The following ACTR10 variants were observed in gnomAD, a reference collection of about 807,000 sequenced individuals.
The protein encoded by ACTR10 is actin-related protein 10.
A neutral mutation model predicts 56.2 loss-of-function variants in ACTR10; 43 were observed. The observed-to-expected ratio is 0.77, with a 90% CI of 0.60 to 0.99. ACTR10 has a LOEUF of 0.99. Among genes scored for constraint, ACTR10 ranks in the 50% least tolerant of loss-of-function variants. The pLI, the probability that ACTR10 is intolerant of heterozygous loss-of-function variation, is 0.00. For missense variants in ACTR10, 466 were observed against 507.8 expected, an observed-to-expected ratio of 0.92 and a Z score of 0.79; for synonymous variants, 170 against 176.3, an observed-to-expected ratio of 0.96 and a Z score of 0.28.
chr14:58,230,352 A>G (rs1485521273), intron 10 of ACTR10, 47 bp from the exon 11 acceptor site: 2 of 1,094,814 alleles, frequency 1.8e-6, no homozygotes, highest in Non-Finnish European at 2.7e-6. Context: ...GTGTAATATT[A>G]TAATACGTGA....
intron 7 of ACTR10, 163 bp from the exon 8 acceptor site, chr14:58,219,530 TC>T: frequency 4.4e-6 from 2 of 458,304 alleles, no homozygotes; most frequent in Non-Finnish European, 7.7e-6. Flanking sequence ...TGATATTTCT[TC>T]CCTAAAACAA....
intron 1 of ACTR10, among the ~76,000 whole-genome samples, chr14:58,202,282 A>G (rs1364553032): frequency 6.6e-6 from 1 of 152,016 alleles, no homozygotes; most frequent in East Asian, 1.9e-4. Context: ...GCTAAAATTA[A>G]CAACTAGGAA....
At position 58,230,358 on chromosome 14, in the gene ACTR10, C is replaced by A. The variant is rs184025730; in HGVS notation, c.789-41C>A. 31 of 1,169,816 alleles carry A rather than the reference C, an allele frequency of 2.6e-5. No individual in the cohort carries two copies. In the South Asian group the frequency reaches 4.0e-4, roughly 15 times the overall value. 72.5% of individuals were successfully genotyped at this position (1,169,816 alleles called of 1,614,324 possible). ...GTGTATTCTGTGTAATATTATAATA[C>A]GTGACACCAACAGAAAGCTCTCTTT... On this transcript the variant is annotated intron_variant, in intron 10 of 12. Transcript: ENST00000254286.
In ACTR10 at chr14:58,223,807, G is replaced by A. The variant is rs970227121; in HGVS notation, c.739G>A (p.Asp247Asn). The stretch of plus-strand genomic sequence containing the variant: ...GCGTCCCTCCCCACCCCCAAATGTT[G>A]ACTATCCATTAGATGGAGAGAAGAT... ...NERPSPPPNVDYPLDGEKILH... is the reference protein window; with the variant it reads ...NERPSPPPNVNYPLDGEKILH... The change falls in exon 10 of 13, where the codon GAC (aspartate) becomes AAC (asparagine). Residue 247 changes from aspartate (D) to asparagine (N), a missense_variant. Physicochemically the swap from Asp to Asn is conservative, Grantham distance 23. Transcript: ENST00000254286. The A allele has an allele frequency of 1.9e-6, 3 of 1,612,962 alleles. No individual in the cohort carries two copies. The African/African-American group carries it at 4.0e-5, about 22-fold the overall frequency.
chr14:58,210,486 A>T (rs1426653256), intron 4 of ACTR10, among the ~76,000 whole-genome samples: 1 of 152,194 alleles, frequency 6.6e-6, no homozygotes, highest in Non-Finnish European at 1.5e-5. Context: ...ATGGAGCAAG[A>T]CTTTGTCTCT....
intron 10 of ACTR10, among the ~76,000 whole-genome samples, chr14:58,228,389 C>T (rs909340473): frequency 4.6e-5 from 7 of 152,060 alleles, no homozygotes; most frequent in African/African-American, 1.7e-4. Flanking sequence ...GAGGCTGAGG[C>T]GGGCAGATCG....
chr14:58,230,513 AC>A, intron 11 of ACTR10, 33 bp downstream of exon 11: 3 of 1,133,600 alleles, frequency 2.6e-6, no homozygotes, highest in Non-Finnish European at 3.7e-6. Context: ...TCCCTTTATT[AC>A]CACAGTCCTT....
chr14:58,200,350 C>T lies in ACTR10; in HGVS notation c.77+56C>T, dbSNP rs149639887. The T allele has an allele frequency of 5.2e-3, 7,243 of 1,397,556 alleles. 30 individuals are homozygous for T. Among genetic ancestry groups the T allele is most frequent in the South Asian group, 0.011 (663 of 62,494 alleles). The allele number at this position is 1,397,556 out of a possible 1,614,324, so 86.6% of individuals were successfully genotyped here. A position where few individuals can be genotyped will look rare whatever the true frequency, so the allele number is the denominator to read the frequency against. On this transcript the variant is annotated intron_variant, in intron 1 of 12. Transcript: ENST00000254286. The stretch of plus-strand genomic sequence containing the variant: ...CCCGAGGGGAGGGCGGGTGGCAGAG[C>T]CCCAGGCACTGCCTGGGTCCTCATC...
At chr14:58,210,921 C>T (rs187502055) in intron 4 of ACTR10, among the ~76,000 whole-genome samples, 9 of 152,228 alleles carry the variant, frequency 5.9e-5, no homozygotes, top group Admixed American at 3.9e-4. Context: ...GTGATCCGCC[C>T]GCCTCAGCCT....
chr14:58,235,223 A>G lies in ACTR10; in HGVS notation c.*672A>G, dbSNP rs1204700557. The G allele has an allele frequency of 6.6e-6, 1 of 152,214 alleles. No individual in the cohort carries two copies. Among genetic ancestry groups the G allele is most frequent in the African/African-American group, 2.4e-5 (1 of 41,450 alleles). 9.4% of individuals were successfully genotyped at this position (152,214 alleles called of 1,614,324 possible). ...CAGTTACTCCATTTAAAGCATAAAT[A>G]GTGTTAACCATTACCAGTTATTTCA... On this transcript the variant is annotated 3_prime_UTR_variant, in exon 13 of 13. Coordinates refer to ENST00000254286, the MANE Select transcript of ACTR10 (RefSeq NM_018477.3).
At chr14:58,218,531 C>G (rs1487537968) in intron 7 of ACTR10, among the ~76,000 whole-genome samples, 1 of 151,936 alleles carries the variant, frequency 6.6e-6, no homozygotes, top group South Asian at 2.1e-4. Context: ...CTTATACTTA[C>G]TAAAGATAAA....
At position 58,235,082 on chromosome 14, in the gene ACTR10, T is replaced by C. The variant is rs1246547479; in HGVS notation, c.*531T>C. 1.3e-5 allele frequency: 2 copies of C among 152,522 alleles called. No individual in the cohort carries two copies. The highest frequency in any genetic ancestry group is 2.9e-5 in the Non-Finnish European group (2 of 68,354). 9.4% of individuals were successfully genotyped at this position (152,522 alleles called of 1,614,324 possible). A position where few individuals can be genotyped will look rare whatever the true frequency, so the allele number is the denominator to read the frequency against. Reference sequence around the variant, plus strand: ...ATCCACCCTCCTCGGCCTCCCAAAGTGTTGGGATTACAGGCGTGAACCACT... The same window carrying C: ...ATCCACCCTCCTCGGCCTCCCAAAGCGTTGGGATTACAGGCGTGAACCACT... On this transcript the variant is annotated 3_prime_UTR_variant, in exon 13 of 13. Transcript: ENST00000254286.
chr14:58,214,485 T>TTTATTA lies in ACTR10; in HGVS notation c.519-702_519-697dup, dbSNP rs537124173. On this transcript the variant is annotated intron_variant, in intron 6 of 12. Coordinates refer to ENST00000254286, the MANE Select transcript of ACTR10 (RefSeq NM_018477.3). ...GTAAACTTATGTCATGGGGAAGACC[T>TTTATTA]TTATTATTATTATTATTATTATTGA... Among the ~76,000 whole-genome samples, 80 of 151,196 alleles carry TTTATTA rather than the reference T, an allele frequency of 5.3e-4. 1 individual carries two copies. The South Asian group carries it at 0.013, about 25-fold the overall frequency.
At chr14:58,230,165 C>T (rs192187054) in intron 10 of ACTR10, among the ~76,000 whole-genome samples, 38 of 152,130 alleles carry the variant, frequency 2.5e-4, no homozygotes, top group Admixed American at 7.9e-4. Flanking sequence ...GGAATGCCTC[C>T]TATGTGCCAG....
In ACTR10 at chr14:58,219,709, G is replaced by A; in HGVS notation, c.614G>A (p.Gly205Asp). Residue 205 changes from glycine to aspartate, a missense_variant, in exon 8 of 13, where the codon GGT becomes GAT. Coordinates refer to ENST00000254286, the MANE Select transcript of ACTR10 (RefSeq NM_018477.3). The stretch of plus-strand genomic sequence containing the variant: ...TTTGTTTTAGGTTCAGTTCCGGAAG[G>A]TGTCTTAGAGGACATTAAAGGTAAA... The part of the protein sequence containing the change: ...LPSVMGSVPE[G>D]VLEDIKARTC... 1 of 1,526,164 alleles carries A rather than the reference G, an allele frequency of 6.6e-7. No homozygotes were observed. The highest frequency in any genetic ancestry group is 8.8e-7 in the Non-Finnish European group (1 of 1,137,060). 94.5% of individuals were successfully genotyped at this position (1,526,164 alleles called of 1,614,324 possible).
At chr14:58,205,251 A>AG (rs1888827912) in intron 2 of ACTR10, among the ~76,000 whole-genome samples, 2 of 151,962 alleles carry the variant, frequency 1.3e-5, no homozygotes, top group South Asian at 4.1e-4. Context: ...ACAAAAAAAA[A>AG]CATGTTATAG....
intron 7 of ACTR10, among the ~76,000 whole-genome samples, chr14:58,218,618 T>G (rs1009903254): frequency 9.9e-5 from 15 of 152,210 alleles, no homozygotes; most frequent in African/African-American, 3.6e-4. Flanking sequence ...TGGTGTGGTT[T>G]CTAAGTTTAC....
chr14:58,219,806 C>T (rs1889221459), intron 8 of ACTR10, 77 bp downstream of exon 8: 5 of 857,906 alleles, frequency 5.8e-6, no homozygotes, highest in Non-Finnish European at 8.6e-6. Flanking sequence ...AACATTTACA[C>T]AGATAGAAAA....
rs947482116 is a variant in ACTR10 at position 58,215,306 on chromosome 14, T to A, written c.598+22T>A. On this transcript the variant is annotated intron_variant, in intron 7 of 12. Transcript: ENST00000254286. ...ATGGGTAAATTCATTTTAAGTGGTT[T>A]AGGAGTGGTTTACACTCTCTTTTTG... is the stretch of plus-strand genomic sequence containing the variant. The A allele has an allele frequency of 2.6e-6, 4 of 1,512,120 alleles. No individual in the cohort carries two copies. In the Admixed American group the frequency reaches 7.3e-5, roughly 28 times the overall value. 93.7% of individuals were successfully genotyped at this position (1,512,120 alleles called of 1,614,324 possible).
Sources: allele counts gnomAD v4.1 joint callset (sites outside exome capture counted in the v4.1 genomes callset), GRCh38; gene constraint gnomAD v4.1.1; transcripts MANE v1.5; gene names NCBI Gene and HGNC (gene_info 2026-07-23, HGNC 2026-07-21).